Variants in FAR2 observed in about 807,000 individuals in gnomAD.
The protein encoded by FAR2 is epididymis secretory protein Li 81.
Under a neutral mutation model 56.0 loss-of-function variants are expected in FAR2, and 19 were observed. The ratio of observed to expected loss-of-function variants is 0.34; its 90% CI spans 0.24 to 0.50. The LOEUF is 0.50. Among genes scored for constraint, FAR2 ranks in the 20% least tolerant of loss-of-function variants. The pLI, the probability that FAR2 is intolerant of heterozygous loss-of-function variation, is 0.98. For synonymous variants in FAR2, 219 were observed against 218.8 expected (o/e 1.00, Z -0.01); for missense variants, 508 against 642.2 (o/e 0.79, Z 2.26).
chr12:29,214,050 C>T (rs899517234), intron 1 of FAR2, among the ~76,000 whole-genome samples: 1 of 152,208 alleles, frequency 6.6e-6, no homozygotes, highest in Non-Finnish European at 1.5e-5. Flanking sequence ...GAAATGCCAT[C>T]ACATTTGAGC....
intron 1 of FAR2, among the ~76,000 whole-genome samples, chr12:29,181,046 A>G (rs1218784201): frequency 2.6e-5 from 4 of 152,096 alleles, no homozygotes; most frequent in African/African-American, 9.7e-5. Context: ...ATATTCATTA[A>G]TTCCTATGTA....
intron 11 of FAR2, 22 bp from the exon 12 acceptor site, chr12:29,333,610 G>T: frequency 1.2e-6 from 2 of 1,602,398 alleles, no homozygotes; most frequent in Non-Finnish European, 1.7e-6. Context: ...TTTAACTTTG[G>T]TTATGTCTGT....
At position 29,243,142 on chromosome 12, in the gene FAR2, G is replaced by A. The variant is rs574595767; in HGVS notation, c.-38-27270G>A. 3.3e-5 allele frequency among the ~76,000 whole-genome samples: 5 copies of A among 152,276 alleles called. No individual in the cohort carries two copies. In the South Asian group the frequency reaches 6.2e-4, roughly 19 times the overall value. On this transcript the variant is annotated intron_variant, in intron 1 of 11. Coordinates refer to ENST00000536681, the MANE Select transcript of FAR2 (RefSeq NM_001271783.2). Reference sequence around the variant, plus strand: ...AGCTATAAGCAGGCCAGCTAGAGGTGGGGCACCCTGCGTGATTGGTTAGGG... The same window carrying A: ...AGCTATAAGCAGGCCAGCTAGAGGTAGGGCACCCTGCGTGATTGGTTAGGG...
At chr12:29,187,926 A>C (rs551718960) in intron 1 of FAR2, among the ~76,000 whole-genome samples, 12 of 152,262 alleles carry the variant, frequency 7.9e-5, no homozygotes, top group Admixed American at 3.3e-4. Flanking sequence ...CATTTCGTAA[A>C]ACTACATTTA....
intron 7 of FAR2, among the ~76,000 whole-genome samples, chr12:29,311,680 A>T (rs1949355154): frequency 6.6e-6 from 1 of 151,704 alleles, no homozygotes; most frequent in African/African-American, 2.4e-5. Flanking sequence ...ACACACACAC[A>T]CACACACACA....
chr12:29,175,812 T>G (rs1262483314), intron 1 of FAR2, among the ~76,000 whole-genome samples: 1 of 152,176 alleles, frequency 6.6e-6, no homozygotes, highest in African/African-American at 2.4e-5. Flanking sequence ...ATTGGTGCAT[T>G]TACAATCCTT....
At chr12:29,259,272 C>T (rs903478652) in intron 1 of FAR2, among the ~76,000 whole-genome samples, 1 of 152,076 alleles carries the variant, frequency 6.6e-6, no homozygotes, top group Non-Finnish European at 1.5e-5. Flanking sequence ...GAAGGAAGGC[C>T]GGGGATGCTG....
In FAR2 at chr12:29,210,821, A is replaced by G. The variant is rs574274018; in HGVS notation, c.-38-59591A>G. Among the ~76,000 whole-genome samples, 220 of 152,034 alleles carry G rather than the reference A, an allele frequency of 1.4e-3. 1 individual carries two copies. The South Asian group carries it at 0.021, about 15-fold the overall frequency. ...AGAAAACTTAATCGGGTGCGGTGGC[A>G]TGGGCCTGTAGTCCCAGCTACTCTG... On this transcript the variant is annotated intron_variant, in intron 1 of 11. Coordinates refer to ENST00000536681, the MANE Select transcript of FAR2 (RefSeq NM_001271783.2).
intron 1 of FAR2, among the ~76,000 whole-genome samples, chr12:29,162,531 T>C (rs1949790594): frequency 1.3e-5 from 2 of 152,154 alleles, no homozygotes; most frequent in Non-Finnish European, 2.9e-5. Context: ...TCTGGTCTAA[T>C]AGATTAAGTA....
intron 2 of FAR2, among the ~76,000 whole-genome samples, chr12:29,286,854 A>G (rs762955231): frequency 6.6e-6 from 1 of 152,206 alleles, no homozygotes; most frequent in Non-Finnish European, 1.5e-5. Flanking sequence ...CTCTGAGGTC[A>G]CAGAATACGA....
chr12:29,293,150 T>C, intron 2 of FAR2, 150 bp from the exon 3 acceptor site: 1 of 597,212 alleles, frequency 1.7e-6, no homozygotes, highest in Non-Finnish European at 2.6e-6. Context: ...TACAGGCATA[T>C]GCCACCATGC....
chr12:29,326,387 C>A (rs1315002929), intron 10 of FAR2, among the ~76,000 whole-genome samples: 1 of 152,124 alleles, frequency 6.6e-6, no homozygotes, highest in Non-Finnish European at 1.5e-5. Flanking sequence ...AGGGAATCCT[C>A]CCTAACTCAT....
intron 1 of FAR2, among the ~76,000 whole-genome samples, chr12:29,230,072 A>T (rs1199573230): frequency 1.3e-5 from 2 of 152,240 alleles, no homozygotes; most frequent in Non-Finnish European, 2.9e-5. Context: ...GACTATAAAC[A>T]GATGACCGAA....
intron 1 of FAR2, among the ~76,000 whole-genome samples, chr12:29,205,917 A>T (rs1947473692): frequency 1.3e-5 from 2 of 152,174 alleles, no homozygotes; most frequent in South Asian, 4.1e-4. Context: ...GCTGATTTTT[A>T]AAAAAACCAA....
chr12:29,270,421 T>G lies in FAR2; in HGVS notation c.-29T>G. 1 of 1,503,394 alleles carries G rather than the reference T, an allele frequency of 6.7e-7. No homozygotes were observed. The highest frequency in any genetic ancestry group is 2.4e-5 in the East Asian group (1 of 42,446). 93.1% of individuals were successfully genotyped at this position (1,503,394 alleles called of 1,614,324 possible). A position where few individuals can be genotyped will look rare whatever the true frequency, so the allele number is the denominator to read the frequency against. On this transcript the variant is annotated 5_prime_UTR_variant, in exon 2 of 12. Transcript: ENST00000536681. ...TTCTCTTCCTTTTCAGGAACCTCTT[T>G]CAGGAGCTATAAAAGAAAGGGAGGA...
At position 29,241,348 on chromosome 12, in the gene FAR2, G is replaced by T. The variant is rs905358806; in HGVS notation, c.-38-29064G>T. Among the ~76,000 whole-genome samples the T allele has an allele frequency of 3.3e-5, 5 of 152,134 alleles. 1 individual carries two copies. Among genetic ancestry groups the T allele is most frequent in the African/African-American group, 7.2e-5 (3 of 41,488 alleles). On this transcript the variant is annotated intron_variant, in intron 1 of 11. Transcript: ENST00000536681. ...TTTGTATCTGATGGAAATCTGGAAA[G>T]ACTTTCTCAAGAAAGTGAAAGAGGA...
intron 1 of FAR2, among the ~76,000 whole-genome samples, chr12:29,149,830 C>G (rs1301821284): frequency 6.6e-6 from 1 of 152,174 alleles, no homozygotes; most frequent in Non-Finnish European, 1.5e-5. Context: ...CTGGAGAGAG[C>G]GCGAAAATGC....
intron 1 of FAR2, among the ~76,000 whole-genome samples, chr12:29,261,462 G>A (rs886522833): frequency 3.3e-5 from 5 of 152,154 alleles, no homozygotes; most frequent in African/African-American, 9.7e-5. Context: ...AGAGTCATTG[G>A]CCTTAAAGAG....
At chr12:29,267,717 T>C (rs1237984022) in intron 1 of FAR2, among the ~76,000 whole-genome samples, 1 of 152,214 alleles carries the variant, frequency 6.6e-6, no homozygotes, top group Non-Finnish European at 1.5e-5. Context: ...TTCTTCATAG[T>C]ATTTCTCTTA....
Sources: allele counts gnomAD v4.1 joint callset (sites outside exome capture counted in the v4.1 genomes callset), GRCh38; gene constraint gnomAD v4.1.1; transcripts MANE v1.5; gene names NCBI Gene and HGNC (gene_info 2026-07-23, HGNC 2026-07-21).